The following MLKL variants were observed in gnomAD, a reference collection of about 807,000 sequenced individuals.
The protein encoded by MLKL is mixed lineage kinase domain like pseudokinase.
In MLKL, 55 loss-of-function variants were observed where a neutral mutation model predicts 56.5. That is an observed-to-expected ratio of 0.97 (90% CI 0.78 to 1.22). The LOEUF (loss-of-function observed/expected upper bound fraction) is 1.22, where lower values mean the gene tolerates loss of function less well. Ranked by LOEUF, MLKL falls within the 50% of genes most tolerant of loss-of-function variation. MLKL has a pLI of 0.00. For synonymous variants in MLKL, 251 were observed against 208.3 expected (o/e 1.20, Z -1.76); for missense variants, 694 against 573.9 (o/e 1.21, Z -2.14).
intron 1 of MLKL, among the ~76,000 whole-genome samples, chr16:74,699,760 C>T (rs1339345297): frequency 2.6e-5 from 4 of 152,068 alleles, no homozygotes; most frequent in Non-Finnish European, 4.4e-5. Flanking sequence ...CAAAGCGAGA[C>T]CCTGGCTCTA....
Position 74,690,867 on chromosome 16 carries a change from G to A in MLKL, c.722+410C>T, listed in dbSNP as rs575121725. Among the ~76,000 whole-genome samples the A allele has an allele frequency of 2.7e-5, 4 of 150,050 alleles. No homozygotes were observed. The South Asian group carries it at 8.4e-4, about 32-fold the overall frequency. ...GACAGAAATTAAGGAGTCCAGATAT[G>A]GAACACGTTTCATGATGTTGAGTGA... is the stretch of plus-strand genomic sequence containing the variant. On this transcript the variant is annotated intron_variant, in intron 4 of 10. Coordinates refer to ENST00000308807, the MANE Select transcript of MLKL (RefSeq NM_152649.4).
chr16:74,694,004 G>T (rs1350767938), intron 2 of MLKL, among the ~76,000 whole-genome samples: 1 of 152,140 alleles, frequency 6.6e-6, no homozygotes, highest in Non-Finnish European at 1.5e-5. Flanking sequence ...CTGCTAGTAT[G>T]ATCATAAAAC....
chr16:74,685,691 G>A (rs1000259744), intron 4 of MLKL, 108 bp from the exon 5 acceptor site: 35 of 811,726 alleles, frequency 4.3e-5, no homozygotes, highest in Admixed American at 4.0e-4. Context: ...ATCAGCATCT[G>A]GGGTGAGAAC....
intron 6 of MLKL, among the ~76,000 whole-genome samples, chr16:74,679,434 T>G (rs1959804300): frequency 6.6e-6 from 1 of 152,118 alleles, no homozygotes; most frequent in African/African-American, 2.4e-5. Context: ...TGGGTTGCAC[T>G]CATGGTGTCT....
chr16:74,674,880 T>C lies in MLKL; in HGVS notation c.1381+80A>G, dbSNP rs1597477751. Reference sequence around the variant, plus strand: ...CACCCCTCGTTGTAAACTACTGCCTTGGAGCTGGTGAAAAGGAAATCTTTC... The same window carrying C: ...CACCCCTCGTTGTAAACTACTGCCTCGGAGCTGGTGAAAAGGAAATCTTTC... On this transcript the variant is annotated intron_variant, in intron 10 of 10. Transcript: ENST00000308807. The C allele has an allele frequency of 5.2e-6, 8 of 1,534,944 alleles. No individual in the cohort carries two copies. The East Asian group carries it at 1.6e-4, about 30-fold the overall frequency.
At chr16:74,680,030 T>G (rs560581089) in intron 6 of MLKL, among the ~76,000 whole-genome samples, 3 of 152,254 alleles carry the variant, frequency 2.0e-5, no homozygotes, top group African/African-American at 7.2e-5. Context: ...GGAACTGGAC[T>G]TTTATACTTA....
chr16:74,682,815 G>T, intron 5 of MLKL, 29 bp from the exon 6 acceptor site: 1 of 1,612,450 alleles, frequency 6.2e-7, no homozygotes, highest in South Asian at 1.1e-5. Context: ...ACACTATGAG[G>T]ACCCGCCCTA....
At position 74,672,128 on chromosome 16, in the gene MLKL, A is replaced by C. The variant is rs571178091; in HGVS notation, c.*376T>G. The C allele has an allele frequency of 1.1e-4, 20 of 177,866 alleles. No homozygotes were observed. The South Asian group carries it at 2.5e-3, about 23-fold the overall frequency. The allele number at this position is 177,866 out of a possible 1,614,324, so 11.0% of individuals were successfully genotyped here. A position where few individuals can be genotyped will look rare whatever the true frequency, so the allele number is the denominator to read the frequency against. On this transcript the variant is annotated 3_prime_UTR_variant, in exon 11 of 11. Coordinates refer to ENST00000308807, the MANE Select transcript of MLKL (RefSeq NM_152649.4). The stretch of plus-strand genomic sequence containing the variant: ...CTTGAAACCTAGGCTTGGAACTGGC[A>C]TACAGTCACTTCTTCCACATTCTAT...
chr16:74,693,477 A>AAAAGAAAGAAAG (rs373622678), intron 2 of MLKL, among the ~76,000 whole-genome samples: 3,417 of 124,366 alleles, frequency 0.027, 78 homozygotes, highest in Non-Finnish European at 0.036. Flanking sequence ...AAGAAAAGAA[A>AAAAGAAAGAAAG]AAAGAAAGAA....
intron 4 of MLKL, among the ~76,000 whole-genome samples, chr16:74,690,573 G>A (rs955263758): frequency 1.3e-5 from 2 of 152,102 alleles, no homozygotes; most frequent in African/African-American, 4.8e-5. Context: ...CTTGAGTCCA[G>A]GAGTTCCAGA....
rs537319501 is a variant in MLKL at position 74,674,978 on chromosome 16, C to A, written c.1363G>T (p.Val455Leu). ...ACCCTACCATCCACAGAGGGCCGCACAGAGGGATCATGGGCCCGGCACTCA... is the reference window on the plus strand; with the variant it reads ...ACCCTACCATCCACAGAGGGCCGCAAAGAGGGATCATGGGCCCGGCACTCA... Reference protein sequence around the residue: ...IDECRAHDPSVRPSVDEILKK... With the variant: ...IDECRAHDPSLRPSVDEILKK... The change falls in exon 10 of 11, where the codon GTG (valine) becomes TTG (leucine). Residue 455 changes from valine (V) to leucine (L), a missense_variant. Physicochemically the swap from Val to Leu is conservative, Grantham distance 32 (BLOSUM62 1). Transcript: ENST00000308807. The A allele has an allele frequency of 6.2e-7, 1 of 1,614,096 alleles. No individual in the cohort carries two copies. The highest frequency in any genetic ancestry group is 8.5e-7 in the Non-Finnish European group (1 of 1,180,050).
rs1040337133 is a variant in MLKL at position 74,700,569 on chromosome 16, C to G, written c.-119G>C. 2 of 153,422 alleles carry G rather than the reference C, an allele frequency of 1.3e-5. No individual in the cohort carries two copies. The highest frequency in any genetic ancestry group is 4.8e-5 in the African/African-American group (2 of 41,494). 9.5% of individuals were successfully genotyped at this position (153,422 alleles called of 1,614,324 possible). A position where few individuals can be genotyped will look rare whatever the true frequency, so the allele number is the denominator to read the frequency against. On this transcript the variant is annotated 5_prime_UTR_variant, in exon 1 of 11. Transcript: ENST00000308807. The stretch of plus-strand genomic sequence containing the variant: ...TGCCCAGGCGAGAAGTTTGCAAACG[C>G]GAGGCCCGCGGGAGTTCCCCTGCGC...
At chr16:74,700,214 T>C (rs115850276) in intron 1 of MLKL, among the ~76,000 whole-genome samples, 3,962 of 152,022 alleles carry the variant, frequency 0.026, 157 homozygotes, top group African/African-American at 0.092. Flanking sequence ...AGGTAACTTG[T>C]TCCCGTGCCC....
At chr16:74,692,624 G>A (rs886557767) in intron 2 of MLKL, among the ~76,000 whole-genome samples, 1 of 152,202 alleles carries the variant, frequency 6.6e-6, no homozygotes, top group South Asian at 2.1e-4. Flanking sequence ...ACTTGCTTTG[G>A]CTAAGAAATG....
chr16:74,695,218 T>C (rs1407188398), intron 2 of MLKL, 80 bp downstream of exon 2: 20 of 1,422,984 alleles, frequency 1.4e-5, no homozygotes, highest in Non-Finnish European at 1.6e-5. Context: ...AACTTCATCA[T>C]TGCTGCTCCT....
chr16:74,685,975 T>TC (rs1960302426), intron 4 of MLKL, among the ~76,000 whole-genome samples: 1 of 151,710 alleles, frequency 6.6e-6, no homozygotes, highest in Non-Finnish European at 1.5e-5. Flanking sequence ...TTTTTTTTTT[T>TC]TGGAGACAGG....
At chr16:74,698,561 C>T (rs368269545) in intron 1 of MLKL, among the ~76,000 whole-genome samples, 6 of 152,260 alleles carry the variant, frequency 3.9e-5, no homozygotes, top group Admixed American at 2.0e-4. Context: ...TCTTCAAGGC[C>T]ATTTCTTGGG....
chr16:74,675,716 T>C lies in MLKL; in HGVS notation c.1087A>G (p.Thr363Ala). Residue 363 changes from threonine to alanine, a missense_variant, in exon 8 of 11, where the codon ACT (threonine) becomes GCT (alanine). Coordinates refer to ENST00000308807, the MANE Select transcript of MLKL (RefSeq NM_152649.4). ...ACTCTGTCTGTCTTTTCTCTCGTAGTTCCCAAACTCATGGAAGTCTGTGTT... is the reference window on the plus strand; with the variant it reads ...ACTCTGTCTGTCTTTTCTCTCGTAGCTCCCAAACTCATGGAAGTCTGTGTT... ...RKTQTSMSLGTTREKTDRVKS... is the reference protein window; with the variant it reads ...RKTQTSMSLGATREKTDRVKS... 6.2e-7 allele frequency: 1 copy of C among 1,614,194 alleles called. No homozygotes were observed. The highest frequency in any genetic ancestry group is 8.5e-7 in the Non-Finnish European group (1 of 1,180,030).
chr16:74,696,747 C>A (rs542035855), intron 1 of MLKL, among the ~76,000 whole-genome samples: 14 of 151,424 alleles, frequency 9.2e-5, no homozygotes, highest in Non-Finnish European at 1.8e-4. Flanking sequence ...CACTTGAGGT[C>A]AGGAGTTGGA....
Sources: gnomAD v4.1 joint callset for allele counts (sites outside exome capture counted in the v4.1 genomes callset) on GRCh38, gnomAD v4.1.1 for gene constraint, MANE v1.5 for transcripts, NCBI Gene and HGNC (gene_info 2026-07-23, HGNC 2026-07-21) for gene names.